Variants in ERG observed in about 807,000 individuals in gnomAD.
The protein encoded by ERG is transcriptional regulator ERG.
Under a neutral mutation model 55.3 loss-of-function variants are expected in ERG, and 9 were observed. The observed-to-expected ratio is 0.16, with a 90% CI of 0.10 to 0.28. The LOEUF is 0.28. ERG is among the 10% of genes least tolerant of loss of function. The pLI, the probability that ERG is intolerant of heterozygous loss-of-function variation, is 1.00. For synonymous variants in ERG, 223 were observed against 237.3 expected (o/e 0.94, Z 0.55); for missense variants, 434 against 631.6 (o/e 0.69, Z 3.35).
chr21:38,402,237 G>A (rs1385054907), intron 5 of ERG, among the ~76,000 whole-genome samples: 1 of 152,156 alleles, frequency 6.6e-6, no homozygotes, highest in East Asian at 1.9e-4. Context: ...TCAGCACAGC[G>A]AATATATTGG....
intron 3 of ERG, among the ~76,000 whole-genome samples, chr21:38,417,940 T>C: frequency 6.6e-6 from 1 of 152,216 alleles, no homozygotes; most frequent in East Asian, 1.9e-4. Context: ...GCCTTCCTCT[T>C]TGTTAGCCAC....
At chr21:38,583,149 G>A (rs930344065) in intron 1 of ERG, among the ~76,000 whole-genome samples, 3 of 152,186 alleles carry the variant, frequency 2.0e-5, no homozygotes, top group African/African-American at 4.8e-5. Flanking sequence ...ACTTGTCCTG[G>A]ATGAGCAGAT....
intron 2 of ERG, among the ~76,000 whole-genome samples, chr21:38,571,563 C>T (rs1400666906): frequency 1.3e-5 from 2 of 151,726 alleles, no homozygotes; most frequent in East Asian, 3.9e-4. Flanking sequence ...AAAAAGGTAC[C>T]TGGAACGGCC....
intron 1 of ERG, among the ~76,000 whole-genome samples, chr21:38,455,466 G>GGGGTGGT (rs939578186): frequency 3.3e-5 from 5 of 152,204 alleles, no homozygotes; most frequent in Admixed American, 2.6e-4. Flanking sequence ...CACCAGGGAA[G>GGGGTGGT]GGGTGGTGCA....
chr21:38,488,523 G>A (rs1405438535), intron 1 of ERG, among the ~76,000 whole-genome samples: 1 of 152,086 alleles, frequency 6.6e-6, no homozygotes, highest in Non-Finnish European at 1.5e-5. Flanking sequence ...TTTAGTGTGT[G>A]TGCACTGTGG....
chr21:38,559,232 A>G (rs1601240117), intron 2 of ERG, among the ~76,000 whole-genome samples: 1 of 152,232 alleles, frequency 6.6e-6, no homozygotes, highest in East Asian at 1.9e-4. Flanking sequence ...AAATCCTTAA[A>G]TCTGTCAGAA....
At chr21:38,654,818 A>C (rs1481793308) in intron 1 of ERG, among the ~76,000 whole-genome samples, 1 of 152,206 alleles carries the variant, frequency 6.6e-6, no homozygotes, top group Non-Finnish European at 1.5e-5. Context: ...CAAGCCTTGC[A>C]CAAGGCAAGT....
intron 1 of ERG, among the ~76,000 whole-genome samples, chr21:38,578,822 T>C (rs572295107): frequency 6.6e-6 from 1 of 152,178 alleles, no homozygotes; most frequent in South Asian, 2.1e-4. Flanking sequence ...ATTTGGGGAA[T>C]TTGTTACACA....
chr21:38,511,992 G>A (rs748917613), intron 2 of ERG, among the ~76,000 whole-genome samples: 5 of 152,228 alleles, frequency 3.3e-5, no homozygotes, highest in Non-Finnish European at 5.9e-5. Context: ...TATCAGCCTT[G>A]TAATATAATT....
intron 2 of ERG, among the ~76,000 whole-genome samples, chr21:38,543,331 C>T (rs12329687): frequency 0.18 from 26,125 of 148,664 alleles, 2,439 homozygotes; most frequent in African/African-American, 0.25. Flanking sequence ...CCTACTGATG[C>T]ATAAACTACA....
At chr21:38,539,889 C>A (rs940699769) in intron 2 of ERG, among the ~76,000 whole-genome samples, 1 of 143,400 alleles carries the variant, frequency 7.0e-6, no homozygotes, top group Non-Finnish European at 1.5e-5. Context: ...GTCTCCAACA[C>A]GTGATTTTTT....
At chr21:38,614,582 C>T (rs2060247946) in intron 1 of ERG, among the ~76,000 whole-genome samples, 2 of 152,164 alleles carry the variant, frequency 1.3e-5, no homozygotes, top group Admixed American at 1.3e-4. Flanking sequence ...GAGCAGCCAC[C>T]CTGGGACCAT....
intron 1 of ERG, among the ~76,000 whole-genome samples, chr21:38,653,910 A>G (rs993391501): frequency 6.6e-6 from 1 of 152,254 alleles, no homozygotes; most frequent in Admixed American, 6.5e-5. Context: ...AATTTTGCAA[A>G]GAAAAAGTTT....
intron 3 of ERG, among the ~76,000 whole-genome samples, chr21:38,419,510 T>TAC (rs943585917): frequency 1.1e-4 from 5 of 45,248 alleles, no homozygotes; most frequent in South Asian, 3.3e-3. Context: ...CAATTAAAAA[T>TAC]ACACATACAC....
At position 38,432,440 on chromosome 21, in the gene ERG, G is replaced by A. The variant is rs751954611; in HGVS notation, c.237-8879C>T. Among the ~76,000 whole-genome samples the A allele has an allele frequency of 6.2e-4, 94 of 152,148 alleles. 2 individuals are homozygous for A. The highest frequency in any genetic ancestry group is 5.9e-4 in the Non-Finnish European group (40 of 68,038). On this transcript the variant is annotated intron_variant, in intron 2 of 9. Transcript: ENST00000288319. ...TTCAAATTTACCAACACTAAATAGG[G>A]TCATGTTTATGTCTCCCAAGAGCAC...
At chr21:38,431,895 T>G (rs1393947316) in intron 2 of ERG, among the ~76,000 whole-genome samples, 3 of 152,168 alleles carry the variant, frequency 2.0e-5, no homozygotes, top group Non-Finnish European at 4.4e-5. Context: ...AGTGCTCACA[T>G]GCTGCAGCCA....
chr21:38,506,745 T>A (rs1377875627), intron 2 of ERG, among the ~76,000 whole-genome samples: 2 of 152,082 alleles, frequency 1.3e-5, no homozygotes, highest in Non-Finnish European at 2.9e-5. Context: ...AATCGTGAGG[T>A]CAATGGGTGA....
rs559259674 is a variant in ERG, at chr21:38,594,043, G to C, written c.-149-9098C>G. On this transcript the variant is annotated intron_variant, in intron 1 of 10. Coordinates refer to the ERG transcript ENST00000398910. ...AAATTAGAGAATACCAACAGGAAAA[G>C]GTTTCCTTGTGCTCTTTAAGGGTGG... Among the ~76,000 whole-genome samples the C allele has an allele frequency of 1.3e-4, 20 of 152,194 alleles. No individual in the cohort carries two copies. In the Middle Eastern group the frequency reaches 0.017, roughly 129 times the overall value.
At chr21:38,376,925 C>T (rs993739754), downstream of ERG, among the ~76,000 whole-genome samples, 4 of 152,256 alleles carry the variant, frequency 2.6e-5, no homozygotes, top group African/African-American at 9.6e-5. Flanking sequence ...GAGGGCTGCG[C>T]TTTGCTTCCT....
Sources: allele counts gnomAD v4.1 joint callset (sites outside exome capture counted in the v4.1 genomes callset), GRCh38; gene constraint gnomAD v4.1.1; transcripts MANE v1.5; gene names NCBI Gene and HGNC (gene_info 2026-07-23, HGNC 2026-07-21).